The following UBAP2 variants were observed in gnomAD, a reference collection of about 807,000 sequenced individuals.
The protein encoded by UBAP2 is ubiquitin associated protein 2, also known as ubiquitin-associated protein 2.
Under a neutral mutation model 139.6 loss-of-function variants are expected in UBAP2, and 75 were observed. That is an observed-to-expected ratio of 0.54 (90% confidence interval 0.45 to 0.65). The LOEUF is 0.65. UBAP2 is among the 30% of genes least tolerant of loss of function. UBAP2 has a pLI of 0.00. For synonymous variants in UBAP2, 526 were observed against 526.2 expected, an observed-to-expected ratio of 1.00 and a Z score of 0.01; for missense variants, 1,368 against 1,369.6, an observed-to-expected ratio of 1.00 and a Z score of 0.02.
intron 19 of UBAP2, 23 bp downstream of exon 19, chr9:33,932,539 G>A (rs1824075421): frequency 1.2e-6 from 2 of 1,613,290 alleles, no homozygotes; most frequent in Middle Eastern, 1.7e-4. Context: ...GGCGGAGGAA[G>A]AGGAAGCCGC....
intron 10 of UBAP2, among the ~76,000 whole-genome samples, chr9:33,956,829 A>G (rs1826602576): frequency 6.6e-6 from 1 of 152,098 alleles, no homozygotes; most frequent in South Asian, 2.1e-4. Context: ...AAAGAAGTTG[A>G]GAAGGTGGCC....
intron 2 of UBAP2, among the ~76,000 whole-genome samples, chr9:34,007,806 T>A (rs973588356): frequency 1.1e-4 from 17 of 151,030 alleles, no homozygotes; most frequent in African/African-American, 3.9e-4. Context: ...TCCCGGCTAA[T>A]TTTTTTTTCC....
Position 33,923,458 on chromosome 9 carries a change from C to G in UBAP2, c.2817G>C (p.Lys939Asn), listed in dbSNP as rs753664009. ...GAGTGCTGAGGTTCACCCCATGTTGCTTGGCTGAGGCTGGAGGGACCTGGG... is the reference window on the plus strand; with the variant it reads ...GAGTGCTGAGGTTCACCCCATGTTGGTTGGCTGAGGCTGGAGGGACCTGGG... ...PTMFVPPASAKQHGVNLSTPT... is the reference protein window; with the variant it reads ...PTMFVPPASANQHGVNLSTPT... The change falls in exon 25 of 29, where the codon AAG becomes AAC. Residue 939 changes from lysine to asparagine, a missense_variant. Transcript: ENST00000379238. The G allele has an allele frequency of 1.2e-6, 2 of 1,614,066 alleles. No individual in the cohort carries two copies. The highest frequency in any genetic ancestry group is 3.3e-5 in the Admixed American group (2 of 60,008).
At chr9:33,968,237 G>GT (rs1827620861) in intron 8 of UBAP2, 1 of 621,600 alleles carries the variant, frequency 1.6e-6, no homozygotes, top group Non-Finnish European at 3.1e-6. Flanking sequence ...ACCCTCCATT[G>GT]TAAACAGGAA....
intron 4 of UBAP2, among the ~76,000 whole-genome samples, chr9:33,990,133 A>G (rs1018375018): frequency 6.6e-6 from 1 of 152,146 alleles, no homozygotes; most frequent in African/African-American, 2.4e-5. Context: ...AAAAATTATC[A>G]AGCAGGGTAG....
At chr9:34,014,798 C>T (rs952076035) in intron 2 of UBAP2, among the ~76,000 whole-genome samples, 1 of 148,126 alleles carries the variant, frequency 6.8e-6, no homozygotes, top group African/African-American at 2.5e-5. Flanking sequence ...AAAGACCATT[C>T]ATTAAGCAAA....
intron 1 of UBAP2, among the ~76,000 whole-genome samples, chr9:34,029,618 T>C (rs898705678): frequency 6.7e-6 from 1 of 149,962 alleles, no homozygotes; most frequent in Non-Finnish European, 1.5e-5. Flanking sequence ...GGAGGACCAC[T>C]TGGGCTCAGG....
At chr9:34,026,230 T>C (rs1458827629) in intron 1 of UBAP2, among the ~76,000 whole-genome samples, 4 of 152,192 alleles carry the variant, frequency 2.6e-5, no homozygotes, top group African/African-American at 7.2e-5. Context: ...CCAAACTACA[T>C]ACTTACACTG....
chr9:33,944,477 T>G lies in UBAP2; in HGVS notation c.1433A>C (p.Asn478Thr). 1.2e-6 allele frequency: 2 copies of G among 1,614,132 alleles called. No individual in the cohort carries two copies. The highest frequency in any genetic ancestry group is 1.3e-5 in the African/African-American group (1 of 75,014). Residue 478 changes from asparagine (N) to threonine (T), a missense_variant, in exon 14 of 29, where the codon AAC (asparagine) becomes ACC (threonine). Asn to Thr is a moderately conservative substitution (Grantham distance 65, BLOSUM62 0). Coordinates refer to ENST00000379238, the MANE Select transcript of UBAP2 (RefSeq NM_001370062.2). The part of the protein sequence containing the change: ...STPGDSPSTV[N>T]KLLQLPSTTI... The stretch of plus-strand genomic sequence containing the variant: ...CGTGCTGGGAAGCTGCAAAAGCTTG[T>G]TCACAGTGGAGGGACTGTCTCCAGG...
chr9:34,032,157 G>A (rs1449520768), intron 1 of UBAP2, among the ~76,000 whole-genome samples: 2 of 152,100 alleles, frequency 1.3e-5, no homozygotes, highest in Admixed American at 6.6e-5. Context: ...GTGCTAATAA[G>A]TTGCCAACTT....
intron 3 of UBAP2, chr9:33,998,204 C>T (rs1462638351): frequency 6.6e-6 from 1 of 152,272 alleles, no homozygotes; most frequent in East Asian, 1.9e-4. Context: ...TCAAGACTAG[C>T]CTAGGCAACA....
intron 1 of UBAP2, among the ~76,000 whole-genome samples, chr9:34,035,345 T>G (rs961810523): frequency 6.7e-6 from 1 of 150,188 alleles, no homozygotes; most frequent in Non-Finnish European, 1.5e-5. Flanking sequence ...TCTACAAAAG[T>G]ACAAAAATTA....
intron 11 of UBAP2, among the ~76,000 whole-genome samples, chr9:33,953,680 G>A (rs926845917): frequency 5.9e-5 from 9 of 152,094 alleles, no homozygotes; most frequent in African/African-American, 2.2e-4. Flanking sequence ...GGGTTTTGCA[G>A]AGAAGAGAAT....
intron 2 of UBAP2, among the ~76,000 whole-genome samples, chr9:34,016,385 T>A: frequency 1.3e-5 from 1 of 78,884 alleles, no homozygotes; most frequent in African/African-American, 4.4e-5. Flanking sequence ...GTGGTGGTGG[T>A]GGTGGTGGTG....
intron 22 of UBAP2, 131 bp from the exon 23 acceptor site, chr9:33,924,415 G>A (rs1823242609): frequency 1.2e-6 from 1 of 858,142 alleles, no homozygotes. Flanking sequence ...GCAGTCCCAG[G>A]GAACGCCAAG....
chr9:34,004,513 T>G (rs1487529011), intron 2 of UBAP2, among the ~76,000 whole-genome samples: 2 of 151,596 alleles, frequency 1.3e-5, no homozygotes, highest in African/African-American at 4.9e-5. Context: ...CTGGGCGCAG[T>G]GGCTCACGCC....
chr9:33,985,410 A>G (rs1451153490), intron 6 of UBAP2, among the ~76,000 whole-genome samples: 1 of 152,204 alleles, frequency 6.6e-6, no homozygotes, highest in African/African-American at 2.4e-5. Flanking sequence ...AAATATAGAG[A>G]ATCAACCTAA....
chr9:33,923,750 C>T (rs1258594553), intron 24 of UBAP2, 45 bp downstream of exon 24: 1 of 1,596,242 alleles, frequency 6.3e-7, no homozygotes, highest in East Asian at 2.2e-5. Flanking sequence ...CACCTGCCAG[C>T]AACCCAAGGC....
At chr9:34,022,177 G>A (rs929204156) in intron 1 of UBAP2, among the ~76,000 whole-genome samples, 1 of 151,822 alleles carries the variant, frequency 6.6e-6, no homozygotes, top group Non-Finnish European at 1.5e-5. Flanking sequence ...GCCAGGAGGA[G>A]GAGGTTGCAG....
Sources: gnomAD v4.1 joint callset for allele counts (sites outside exome capture counted in the v4.1 genomes callset) on GRCh38, gnomAD v4.1.1 for gene constraint, MANE v1.5 for transcripts, NCBI Gene and HGNC (gene_info 2026-07-23, HGNC 2026-07-21) for gene names.